Variants in RASGRP3 observed in about 807,000 individuals in gnomAD.
RASGRP3 encodes the protein RAS guanyl releasing protein 3.
A neutral mutation model predicts 82.7 loss-of-function variants in RASGRP3; 54 were observed. That is an observed-to-expected ratio of 0.65 (90% CI 0.52 to 0.82). The LOEUF (loss-of-function observed/expected upper bound fraction) is 0.82. Ranked by LOEUF, RASGRP3 falls within the 40% of genes least tolerant of loss-of-function variation. The pLI, the probability that RASGRP3 is intolerant of heterozygous loss-of-function variation, is 0.00. For missense variants in RASGRP3, 861 were observed against 828.9 expected (o/e 1.04, Z -0.48); for synonymous variants, 309 against 300.5 (o/e 1.03, Z -0.29).
chr2:33,555,625 A>T, intron 15 of RASGRP3, 58 bp downstream of exon 15: 1 of 1,414,288 alleles, frequency 7.1e-7, no homozygotes, highest in Non-Finnish European at 9.8e-7. Flanking sequence ...GTAAGAATCA[A>T]ATTTGTCTGG....
At chr2:33,494,330 A>T (rs1669119410) in intron 1 of RASGRP3, among the ~76,000 whole-genome samples, 1 of 152,192 alleles carries the variant, frequency 6.6e-6, no homozygotes, top group Admixed American at 6.5e-5. Context: ...TCGCAGCTGC[A>T]CTGATCAGTA....
intron 2 of RASGRP3, among the ~76,000 whole-genome samples, chr2:33,467,486 A>G (rs748391271): frequency 5.9e-5 from 9 of 152,220 alleles, no homozygotes; most frequent in Admixed American, 2.6e-4. Context: ...AAAAAAGTGT[A>G]TGTGTCTGAA....
chr2:33,446,014 G>A (rs1032416071), intron 1 of RASGRP3, among the ~76,000 whole-genome samples: 10 of 152,278 alleles, frequency 6.6e-5, no homozygotes, highest in African/African-American at 2.4e-4. Flanking sequence ...TAGGTAGAGA[G>A]ACCTTTTTTA....
At chr2:33,509,141 G>A (rs565212329) in intron 1 of RASGRP3, among the ~76,000 whole-genome samples, 17 of 152,116 alleles carry the variant, frequency 1.1e-4, no homozygotes, top group East Asian at 5.8e-4. Context: ...TGGCTCATGC[G>A]TGTAATCCCA....
At chr2:33,528,733 A>G (rs1021450702) in intron 10 of RASGRP3, among the ~76,000 whole-genome samples, 5 of 152,204 alleles carry the variant, frequency 3.3e-5, no homozygotes. Context: ...TGTAGGCAAT[A>G]ATGCAGCTAT....
chr2:33,549,880 C>G (rs1386718765), intron 14 of RASGRP3, 129 bp downstream of exon 14: 46 of 1,171,664 alleles, frequency 3.9e-5, no homozygotes, highest in Non-Finnish European at 5.4e-5. Context: ...TGATGGCTCC[C>G]TGAAATTGAA....
At chr2:33,451,752 T>C (rs1309175397) in intron 2 of RASGRP3, among the ~76,000 whole-genome samples, 1 of 152,168 alleles carries the variant, frequency 6.6e-6, no homozygotes, top group Non-Finnish European at 1.5e-5. Context: ...ATCTGGATGC[T>C]CATTTGCCTC....
At chr2:33,465,828 A>T (rs1301891010) in intron 2 of RASGRP3, among the ~76,000 whole-genome samples, 1 of 152,206 alleles carries the variant, frequency 6.6e-6, no homozygotes, top group Non-Finnish European at 1.5e-5. Context: ...TGCCAATCTG[A>T]TAATCCTAGG....
In RASGRP3 at chr2:33,537,320, A is replaced by ACACACCCCC. The variant is rs771052774; in HGVS notation, c.1162-1773_1162-1772insACACCCCCC. ...GTCTCTAAAATACACACACACACAC[A>ACACACCCCC]CCGCCCCCCCCACACACACACACAA... On this transcript the variant is annotated intron_variant, in intron 11 of 17. Transcript: ENST00000403687. Among the ~76,000 whole-genome samples, 39 of 33,320 alleles carry ACACACCCCC rather than the reference A, an allele frequency of 1.2e-3. 5 individuals carry two copies. The highest frequency in any genetic ancestry group is 1.8e-3 in the Non-Finnish European group (32 of 17,710). The allele number at this position is 33,320 out of a possible 152,430, so 21.9% of individuals were successfully genotyped here.
chr2:33,487,380 T>C (rs563177047), intron 1 of RASGRP3, among the ~76,000 whole-genome samples: 1 of 152,076 alleles, frequency 6.6e-6, no homozygotes, highest in Non-Finnish European at 1.5e-5. Flanking sequence ...ACAATGATAA[T>C]AGAGAGGGTG....
At chr2:33,538,121 T>G (rs1003617123) in intron 11 of RASGRP3, among the ~76,000 whole-genome samples, 3 of 152,224 alleles carry the variant, frequency 2.0e-5, no homozygotes, top group Non-Finnish European at 4.4e-5. Flanking sequence ...CATGATGGAT[T>G]GTTATATAAA....
intron 4 of RASGRP3, among the ~76,000 whole-genome samples, 193 bp from the exon 5 acceptor site, chr2:33,519,759 T>G (rs1234367563): frequency 1.3e-5 from 2 of 152,202 alleles, no homozygotes; most frequent in Non-Finnish European, 1.5e-5. Context: ...AAAAAATGCA[T>G]TCCAGAGCTA....
chr2:33,451,387 TGC>T (rs1665793266), intron 2 of RASGRP3, among the ~76,000 whole-genome samples: 1 of 152,218 alleles, frequency 6.6e-6, no homozygotes, highest in Non-Finnish European at 1.5e-5. Flanking sequence ...GTTGATTATT[TGC>T]TGTGCAGAAG....
chr2:33,445,974 T>TA (rs1240770283), intron 1 of RASGRP3, among the ~76,000 whole-genome samples: 2 of 152,192 alleles, frequency 1.3e-5, no homozygotes, highest in Non-Finnish European at 2.9e-5. Context: ...TTCTTTTTTT[T>TA]AAAGGGGACT....
Position 33,446,954 on chromosome 2 carries a change from T to C in RASGRP3, c.-384-866T>C, listed in dbSNP as rs947009659. Among the ~76,000 whole-genome samples, 16 of 151,834 alleles carry C rather than the reference T, an allele frequency of 1.1e-4. 1 individual carries two copies. Among genetic ancestry groups the C allele is most frequent in the African/African-American group, 3.4e-4 (14 of 41,340 alleles). The stretch of plus-strand genomic sequence containing the variant: ...GTCAGGAGATGGAAACCATCCTGGC[T>C]AACGCGGTGAAACCCCGTCTCTGCT... On this transcript the variant is annotated intron_variant, in intron 1 of 18. Transcript: ENST00000402538.
intron 1 of RASGRP3, among the ~76,000 whole-genome samples, chr2:33,438,753 A>G: frequency 6.6e-6 from 1 of 152,310 alleles, no homozygotes; most frequent in Admixed American, 6.5e-5. Context: ...AATTAATTAC[A>G]TAGAAATGTA....
chr2:33,480,094 G>A (rs1470811987), intron 1 of RASGRP3, among the ~76,000 whole-genome samples: 1 of 149,080 alleles, frequency 6.7e-6, no homozygotes, highest in African/African-American at 2.5e-5. Flanking sequence ...CCAGGCTGGA[G>A]TGCAGTGGTG....
chr2:33,551,055 G>A (rs1254846189), intron 14 of RASGRP3, among the ~76,000 whole-genome samples: 2 of 152,008 alleles, frequency 1.3e-5, no homozygotes, highest in Non-Finnish European at 2.9e-5. Context: ...GCTCATGTGT[G>A]TAATCCCAGA....
chr2:33,486,917 CAT>C (rs1280461450), intron 1 of RASGRP3, among the ~76,000 whole-genome samples: 1 of 152,014 alleles, frequency 6.6e-6, no homozygotes. Flanking sequence ...CCTTCTGAAG[CAT>C]GTCGGTATTT....
Sources: gnomAD v4.1 joint callset for allele counts (sites outside exome capture counted in the v4.1 genomes callset) on GRCh38, gnomAD v4.1.1 for gene constraint, MANE v1.5 for transcripts, NCBI Gene and HGNC (gene_info 2026-07-23, HGNC 2026-07-21) for gene names.